Variants in COL8A1 observed in about 807,000 individuals in gnomAD.
COL8A1 encodes the protein collagen alpha-1(VIII) chain.
COL8A1 carries 21 observed loss-of-function variants against 42.7 expected under a neutral mutation model. The ratio of observed to expected loss-of-function variants is 0.49; its 90% CI spans 0.35 to 0.71. The LOEUF (loss-of-function observed/expected upper bound fraction) is 0.71, where lower values mean the gene tolerates loss of function less well. COL8A1 is among the 30% of genes least tolerant of loss of function. COL8A1 has a pLI of 0.01. For missense variants in COL8A1, 788 were observed against 962.4 expected (o/e 0.82, Z 2.40); for synonymous variants, 367 against 369.1 (o/e 0.99, Z 0.06).
chr3:99,669,123 T>TTATATATATATATATATATATATATATA (rs775831851), intron 1 of COL8A1, among the ~76,000 whole-genome samples: 3 of 96,590 alleles, frequency 3.1e-5, no homozygotes, highest in African/African-American at 8.2e-5. Flanking sequence ...CTTAAAAAAA[T>TTATATATATATATATATATATATATATA]TATATATATA....
rs1327453812 is a variant in COL8A1 at position 99,735,686 on chromosome 3, C to T, written c.-128-9211C>T. ...CTCATAAAATGAGTTAGGGAGGATT[C>T]CCTCTTTTTCTATTGATTGGAATAG... is the stretch of plus-strand genomic sequence containing the variant. On this transcript the variant is annotated intron_variant, in intron 1 of 3. Coordinates refer to ENST00000652472, the MANE Select transcript of COL8A1 (RefSeq NM_020351.4). Among the ~76,000 whole-genome samples, 1,497 of 150,272 alleles carry T rather than the reference C, an allele frequency of 1.0e-2. 10 individuals are homozygous for T. The highest frequency in any genetic ancestry group is 0.021 in the Middle Eastern group (6 of 288).
At chr3:99,740,511 A>G (rs2107400431) in intron 1 of COL8A1, among the ~76,000 whole-genome samples, 1 of 152,318 alleles carries the variant, frequency 6.6e-6, no homozygotes, top group South Asian at 2.1e-4. Context: ...GGCAGCAGGG[A>G]GAAGTATAAG....
At chr3:99,696,424 T>C (rs1939367596) in intron 1 of COL8A1, among the ~76,000 whole-genome samples, 1 of 152,182 alleles carries the variant, frequency 6.6e-6, no homozygotes, top group African/African-American at 2.4e-5. Flanking sequence ...AGGAGAAGCC[T>C]GGACCGAAGA....
Position 99,795,653 on chromosome 3 carries a change from T to A in COL8A1, c.1752T>A (p.Tyr584Ter). Residue 584 changes from tyrosine (Y) to a stop codon, truncating the protein, a stop_gained, in exon 4 of 4, where the codon TAT becomes TAA. Coordinates refer to ENST00000652472, the MANE Select transcript of COL8A1 (RefSeq NM_020351.4). LOFTEE classifies it high-confidence loss of function. ...MPPTPPPQGE[Y>*]LPDMGLGIDG... ...CTACACCACCACCCCAGGGAGAGTA[T>A]CTGCCAGATATGGGGCTGGGAATTG... 3 of 1,613,422 alleles carry A rather than the reference T, an allele frequency of 1.9e-6. No individual in the cohort carries two copies. The highest frequency in any genetic ancestry group is 2.5e-6 in the Non-Finnish European group (3 of 1,179,866).
intron 1 of COL8A1, among the ~76,000 whole-genome samples, chr3:99,659,398 T>A (rs1300810331): frequency 6.6e-6 from 1 of 152,206 alleles, no homozygotes; most frequent in African/African-American, 2.4e-5. Flanking sequence ...TCTGGGCAGA[T>A]GAATATTTAA....
intron 1 of COL8A1, among the ~76,000 whole-genome samples, chr3:99,645,963 C>G (rs1411127511): frequency 6.6e-6 from 1 of 152,086 alleles, no homozygotes; most frequent in Non-Finnish European, 1.5e-5. Flanking sequence ...CCCTCCCTGT[C>G]AGTGGAGTAA....
intron 1 of COL8A1, among the ~76,000 whole-genome samples, chr3:99,743,013 T>G (rs1940937411): frequency 6.6e-6 from 1 of 152,236 alleles, no homozygotes; most frequent in Non-Finnish European, 1.5e-5. Flanking sequence ...AGCATTATAC[T>G]TTGCACATAG....
chr3:99,705,777 C>G (rs575447322), intron 1 of COL8A1, among the ~76,000 whole-genome samples: 1 of 151,934 alleles, frequency 6.6e-6, no homozygotes, highest in African/African-American at 2.4e-5. Flanking sequence ...CTCCTGCCCC[C>G]CCGGTATGAT....
chr3:99,697,008 A>G (rs1256624180), intron 1 of COL8A1, among the ~76,000 whole-genome samples: 1 of 87,654 alleles, frequency 1.1e-5, no homozygotes, highest in African/African-American at 4.4e-5. Context: ...TTTTTTTGAG[A>G]CGGAGTCTCG....
intron 2 of COL8A1, among the ~76,000 whole-genome samples, chr3:99,781,040 G>T (rs972430735): frequency 2.0e-5 from 3 of 152,128 alleles, no homozygotes; most frequent in Non-Finnish European, 4.4e-5. Context: ...TGTGGCTGAC[G>T]ATTTATCACA....
intron 1 of COL8A1, among the ~76,000 whole-genome samples, chr3:99,712,705 T>C (rs182739024): frequency 1.3e-5 from 2 of 152,152 alleles, no homozygotes; most frequent in African/African-American, 4.8e-5. Flanking sequence ...AAGGAAGAAA[T>C]CCCAGAACTG....
At chr3:99,730,786 C>T (rs1404340544) in intron 1 of COL8A1, among the ~76,000 whole-genome samples, 1 of 152,090 alleles carries the variant, frequency 6.6e-6, no homozygotes, top group South Asian at 2.1e-4. Flanking sequence ...CAAAAGAGCT[C>T]TCAGCGAACT....
chr3:99,651,403 T>C (rs1937842200), intron 1 of COL8A1, among the ~76,000 whole-genome samples: 1 of 152,218 alleles, frequency 6.6e-6, no homozygotes, highest in Non-Finnish European at 1.5e-5. Flanking sequence ...TATCATAGAT[T>C]TTCCCAGAGC....
intron 1 of COL8A1, among the ~76,000 whole-genome samples, chr3:99,701,421 C>A (rs1490687253): frequency 1.3e-5 from 2 of 152,144 alleles, no homozygotes; most frequent in African/African-American, 4.8e-5. Context: ...TGAGAATTTT[C>A]CTTACTAGAG....
At chr3:99,713,457 A>C (rs1648790399) in intron 1 of COL8A1, among the ~76,000 whole-genome samples, 1 of 152,114 alleles carries the variant, frequency 6.6e-6, no homozygotes, top group Non-Finnish European at 1.5e-5. Flanking sequence ...AAACCAGTAA[A>C]GCTCACACTT....
chr3:99,732,852 T>C (rs921840111), intron 1 of COL8A1, among the ~76,000 whole-genome samples: 4 of 152,066 alleles, frequency 2.6e-5, no homozygotes, highest in Non-Finnish European at 5.9e-5. Context: ...AAAAGCAAGT[T>C]AGTTACTTTC....
intron 1 of COL8A1, among the ~76,000 whole-genome samples, chr3:99,661,881 T>C (rs561693095): frequency 1.4e-4 from 22 of 152,208 alleles, no homozygotes; most frequent in South Asian, 4.1e-4. Context: ...AAATACTGTA[T>C]GATTCCATTT....
At position 99,798,925 on chromosome 3, in the gene COL8A1, A is replaced by G. The variant is rs1576481898; in HGVS notation, c.*2789A>G. On this transcript the variant is annotated 3_prime_UTR_variant, in exon 4 of 4. Coordinates refer to ENST00000652472, the MANE Select transcript of COL8A1 (RefSeq NM_020351.4). ...TGTTCTAAAGTCTAGGGATTGTGCT[A>G]TAATCCCTATTTAGTTCAAAATTAA... is the stretch of plus-strand genomic sequence containing the variant. 1 of 152,398 alleles carries G rather than the reference A, an allele frequency of 6.6e-6. No individual in the cohort carries two copies. Among genetic ancestry groups the G allele is most frequent in the East Asian group, 1.9e-4 (1 of 5,194 alleles). The allele number at this position is 152,398 out of a possible 1,614,324, so 9.4% of individuals were successfully genotyped here.
chr3:99,778,202 G>T (rs2107444904), intron 2 of COL8A1, among the ~76,000 whole-genome samples: 1 of 152,240 alleles, frequency 6.6e-6, no homozygotes. Context: ...CCTACTGCCT[G>T]ACTCTGTCCA....
Sources: gnomAD v4.1 joint callset for allele counts (sites outside exome capture counted in the v4.1 genomes callset) on GRCh38, gnomAD v4.1.1 for gene constraint, MANE v1.5 for transcripts, NCBI Gene and HGNC (gene_info 2026-07-23, HGNC 2026-07-21) for gene names.